Variants in LINGO1 observed in about 807,000 individuals in gnomAD.
LINGO1 encodes the protein leucine-rich repeat and immunoglobulin-like domain-containing nogo receptor-interacting protein 1.
Under a neutral mutation model 37.3 loss-of-function variants are expected in LINGO1, and 11 were observed. The observed-to-expected ratio is 0.29, with a 90% CI of 0.19 to 0.49. The LOEUF is 0.49. Among genes scored for constraint, LINGO1 ranks in the 20% least tolerant of loss-of-function variants. LINGO1 has a pLI of 0.99. For missense variants in LINGO1, 585 were observed against 878.2 expected (o/e 0.67, Z 4.22); for synonymous variants, 387 against 403.0 (o/e 0.96, Z 0.48).
At chr15:77,730,955 C>T (rs932752479) in intron 2 of LINGO1, among the ~76,000 whole-genome samples, 3 of 152,220 alleles carry the variant, frequency 2.0e-5, no homozygotes, top group Non-Finnish European at 4.4e-5. Flanking sequence ...GGACCTCTGG[C>T]CACCATTAGG....
chr15:77,784,806 T>C (rs895549259), intron 1 of LINGO1: 1 of 152,170 alleles, frequency 6.6e-6, no homozygotes, highest in African/African-American at 2.4e-5. Flanking sequence ...GAAGGGATCA[T>C]GGCACATGCC....
intron 2 of LINGO1, among the ~76,000 whole-genome samples, chr15:77,792,289 C>T (rs1432975682): frequency 6.6e-6 from 1 of 152,262 alleles, no homozygotes; most frequent in Non-Finnish European, 1.5e-5. Context: ...GCAAGCCCTC[C>T]TCCCACCCAG....
At chr15:77,784,147 G>A (rs748591303) in intron 1 of LINGO1, among the ~76,000 whole-genome samples, 1 of 152,272 alleles carries the variant, frequency 6.6e-6, no homozygotes, top group Non-Finnish European at 1.5e-5. Flanking sequence ...GAGGTGGGGG[G>A]ACTGGCAGGC....
intron 2 of LINGO1, among the ~76,000 whole-genome samples, chr15:77,718,821 G>C (rs1446696695): frequency 2.0e-5 from 3 of 150,830 alleles, no homozygotes; most frequent in Admixed American, 1.3e-4. Context: ...CGACCCTCTT[G>C]GTCCATGTAC....
intron 3 of LINGO1, among the ~76,000 whole-genome samples, chr15:77,654,405 C>T (rs2074825382): frequency 6.6e-6 from 1 of 152,160 alleles, no homozygotes; most frequent in South Asian, 2.1e-4. Flanking sequence ...AGTTAAGAGT[C>T]AGTCTTAATC....
rs1218399470 is a variant in LINGO1, at chr15:77,615,700, G to A, written c.207C>T (p.Ile69=). ...RKRFVAVPEG[I]PTETRLLDLG... ...GGTCCAGCAGGCGCGTCTCGGTGGG[G>A]ATGCCCTCGGGGACTGCCACAAAGC... is the stretch of plus-strand genomic sequence containing the variant. The change falls in exon 2 of 2, where the codon ATC becomes ATT. Residue 69 remains isoleucine, a synonymous_variant. Transcript: ENST00000355300. 1 of 1,600,946 alleles carries A rather than the reference G, an allele frequency of 6.2e-7. No homozygotes were observed. Among genetic ancestry groups the A allele is most frequent in the Non-Finnish European group, 8.5e-7 (1 of 1,174,542 alleles).
intron 1 of LINGO1, chr15:77,696,052 G>C (rs528968745): frequency 6.6e-6 from 1 of 152,288 alleles, no homozygotes; most frequent in African/African-American, 2.4e-5. Flanking sequence ...TCAGGCTGAG[G>C]AAACTACACG....
intron 2 of LINGO1, among the ~76,000 whole-genome samples, chr15:77,703,740 A>G (rs2075814221): frequency 2.0e-5 from 3 of 151,884 alleles, no homozygotes; most frequent in South Asian, 4.2e-4. Context: ...CCCTACAGAC[A>G]GGCTATGCCC....
intron 1 of LINGO1, among the ~76,000 whole-genome samples, chr15:77,797,444 T>C (rs1176159580): frequency 6.6e-6 from 1 of 152,004 alleles, no homozygotes; most frequent in Non-Finnish European, 1.5e-5. Context: ...ACATCACAGG[T>C]GTGATTTCCG....
At chr15:77,765,033 A>G (rs1596203595) in intron 1 of LINGO1, among the ~76,000 whole-genome samples, 2 of 152,370 alleles carry the variant, frequency 1.3e-5, no homozygotes, top group East Asian at 3.9e-4. Flanking sequence ...GCATAAATCC[A>G]CAAGGACCAA....
chr15:77,724,540 A>G (rs2076083566), intron 2 of LINGO1, among the ~76,000 whole-genome samples: 1 of 152,244 alleles, frequency 6.6e-6, no homozygotes, highest in South Asian at 2.1e-4. Flanking sequence ...CAAGGTCACC[A>G]GCAAGCCTGC....
chr15:77,719,880 A>ACACT (rs141400952), intron 2 of LINGO1, among the ~76,000 whole-genome samples: 73,536 of 148,204 alleles, frequency 0.5, 20,494 homozygotes, highest in Admixed American at 0.64. Flanking sequence ...GCATGCATAC[A>ACACT]CACACATACA....
chr15:77,732,810 C>T (rs2076166268), intron 2 of LINGO1, among the ~76,000 whole-genome samples: 1 of 152,198 alleles, frequency 6.6e-6, no homozygotes, highest in Non-Finnish European at 1.5e-5. Flanking sequence ...TCCCATGCCC[C>T]CCAGCACGCA....
chr15:77,683,014 C>T (rs1229775343), intron 2 of LINGO1, among the ~76,000 whole-genome samples: 1 of 152,156 alleles, frequency 6.6e-6, no homozygotes, highest in East Asian at 1.9e-4. Context: ...TCCTAATGCA[C>T]TAAAAGCTCT....
chr15:77,648,201 A>G (rs2074679390), intron 3 of LINGO1: 1 of 307,112 alleles, frequency 3.3e-6, no homozygotes, highest in Non-Finnish European at 6.3e-6. Flanking sequence ...GTATTAACAT[A>G]CAAGTTACCA....
intron 1 of LINGO1, among the ~76,000 whole-genome samples, chr15:77,738,516 C>G (rs987752702): frequency 6.6e-6 from 1 of 152,152 alleles, no homozygotes; most frequent in Non-Finnish European, 1.5e-5. Context: ...TCCCTAGGCA[C>G]CCTAGGTAAA....
intron 2 of LINGO1, among the ~76,000 whole-genome samples, chr15:77,682,264 C>T (rs1359365073): frequency 8.1e-6 from 1 of 124,012 alleles, no homozygotes; most frequent in Non-Finnish European, 1.7e-5. Flanking sequence ...ACTCATATGG[C>T]AGTAGAGATT....
intron 3 of LINGO1, among the ~76,000 whole-genome samples, chr15:77,676,560 G>T (rs1188531872): frequency 4.6e-5 from 7 of 152,142 alleles, no homozygotes; most frequent in Non-Finnish European, 1.0e-4. Flanking sequence ...CACCACAGAG[G>T]GGGACTGAAA....
chr15:77,813,590 A>G (rs1567598015), intron 1 of LINGO1, among the ~76,000 whole-genome samples: 1 of 152,162 alleles, frequency 6.6e-6, no homozygotes, highest in Non-Finnish European at 1.5e-5. Context: ...CTCTGTCCCT[A>G]TAGCACCCAG....
Sources: gnomAD v4.1 joint callset for allele counts (sites outside exome capture counted in the v4.1 genomes callset) on GRCh38, gnomAD v4.1.1 for gene constraint, MANE v1.5 for transcripts, NCBI Gene and HGNC (gene_info 2026-07-23, HGNC 2026-07-21) for gene names.